Variants in CCNY observed in about 807,000 individuals in gnomAD.
CCNY encodes cyclin-Y.
A neutral mutation model predicts 42.8 loss-of-function variants in CCNY; 19 were observed. The observed-to-expected ratio is 0.44, with a 90% CI of 0.31 to 0.65. CCNY has a LOEUF of 0.65. Ranked by LOEUF, CCNY falls within the 30% of genes least tolerant of loss-of-function variation. The pLI is 0.07. For synonymous variants in CCNY, 165 were observed against 162.7 expected (o/e 1.01, Z -0.11); for missense variants, 370 against 437.3 (o/e 0.85, Z 1.37).
chr10:35,414,857 A>G (rs1179081573), intron 1 of CCNY, among the ~76,000 whole-genome samples: 1 of 152,210 alleles, frequency 6.6e-6, no homozygotes, highest in Admixed American at 6.5e-5. Flanking sequence ...GAAGCGGGGT[A>G]CATCACAAAT....
chr10:35,552,142 G>A (rs1841271433), intron 7 of CCNY, among the ~76,000 whole-genome samples: 1 of 152,160 alleles, frequency 6.6e-6, no homozygotes, highest in African/African-American at 2.4e-5. Context: ...ACAGAAGAAT[G>A]GATAAACATG....
At chr10:35,306,511 C>T (rs1835608027) in intron 3 of CCNY, among the ~76,000 whole-genome samples, 1 of 152,184 alleles carries the variant, frequency 6.6e-6, no homozygotes, top group Non-Finnish European at 1.5e-5. Flanking sequence ...GAACTCTGTC[C>T]CTGCTTGGGG....
At chr10:35,271,161 G>T (rs1835163132) in intron 3 of CCNY, among the ~76,000 whole-genome samples, 1 of 152,164 alleles carries the variant, frequency 6.6e-6, no homozygotes, top group South Asian at 2.1e-4. Flanking sequence ...ATCTCTCAGA[G>T]AAGTGAAGTC....
At chr10:35,482,860 G>A (rs1193778558) in intron 1 of CCNY, among the ~76,000 whole-genome samples, 2 of 150,840 alleles carry the variant, frequency 1.3e-5, no homozygotes, top group Non-Finnish European at 2.9e-5. Context: ...TAAAAAGTAG[G>A]GATCAAACAA....
chr10:35,400,743 C>G (rs1188411180), intron 1 of CCNY, among the ~76,000 whole-genome samples: 2 of 152,088 alleles, frequency 1.3e-5, no homozygotes, highest in Non-Finnish European at 2.9e-5. Context: ...TTCTCCTCCC[C>G]CGGGATTGTA....
At chr10:35,400,279 G>A (rs1456012549) in intron 1 of CCNY, among the ~76,000 whole-genome samples, 1 of 151,684 alleles carries the variant, frequency 6.6e-6, no homozygotes, top group Non-Finnish European at 1.5e-5. Context: ...AGGGGGCGGC[G>A]GGGGTGGTGG....
At chr10:35,520,645 A>G (rs1035851509) in intron 4 of CCNY, among the ~76,000 whole-genome samples, 5 of 152,188 alleles carry the variant, frequency 3.3e-5, no homozygotes, top group African/African-American at 1.2e-4. Flanking sequence ...CGTATTTGCA[A>G]ATTCTAGCTG....
intron 3 of CCNY, among the ~76,000 whole-genome samples, chr10:35,276,463 AC>A (rs1424657715): frequency 1.4e-4 from 21 of 152,094 alleles, no homozygotes; most frequent in Admixed American, 1.3e-4. Flanking sequence ...ATAGCTCACC[AC>A]AGCCTCAACC....
intron 3 of CCNY, among the ~76,000 whole-genome samples, chr10:35,326,938 G>A (rs1170868343): frequency 2.6e-5 from 4 of 151,978 alleles, no homozygotes; most frequent in Non-Finnish European, 5.9e-5. Context: ...TTGTCTCCTC[G>A]TCCTCCTGGT....
At chr10:35,432,932 A>G (rs1233038008) in intron 1 of CCNY, among the ~76,000 whole-genome samples, 2 of 152,238 alleles carry the variant, frequency 1.3e-5, no homozygotes, top group Non-Finnish European at 2.9e-5. Flanking sequence ...AATGTGGTTA[A>G]GAATACTAAA....
intron 3 of CCNY, among the ~76,000 whole-genome samples, chr10:35,301,631 T>C (rs1248649575): frequency 2.0e-5 from 3 of 152,116 alleles, no homozygotes; most frequent in African/African-American, 7.2e-5. Flanking sequence ...TCGCTGTCTT[T>C]TGTTTTGCTT....
intron 3 of CCNY, among the ~76,000 whole-genome samples, chr10:35,253,883 T>A (rs2095713692): frequency 6.6e-6 from 1 of 150,830 alleles, no homozygotes. Flanking sequence ...TGTTTTTTTT[T>A]TTTTTTTTTT....
intron 1 of CCNY, among the ~76,000 whole-genome samples, chr10:35,344,323 C>G (rs1171232541): frequency 6.6e-6 from 1 of 152,150 alleles, no homozygotes; most frequent in Non-Finnish European, 1.5e-5. Flanking sequence ...AGATGAGGTT[C>G]TACTTTTACT....
At chr10:35,406,483 C>T (rs530508318) in intron 1 of CCNY, among the ~76,000 whole-genome samples, 17 of 152,050 alleles carry the variant, frequency 1.1e-4, no homozygotes, top group East Asian at 5.8e-4. Context: ...CATCTTGCAC[C>T]GCCCTTAATC....
chr10:35,557,395 A>C (rs1256086620), intron 8 of CCNY, among the ~76,000 whole-genome samples: 1 of 152,198 alleles, frequency 6.6e-6, no homozygotes, highest in Non-Finnish European at 1.5e-5. Context: ...TTTCTGGATG[A>C]TAATGTTCTA....
At chr10:35,265,611 G>C (rs561720107) in intron 3 of CCNY, among the ~76,000 whole-genome samples, 1 of 152,242 alleles carries the variant, frequency 6.6e-6, no homozygotes, top group Non-Finnish European at 1.5e-5. Flanking sequence ...AGAGGCCCAC[G>C]CCAAGCGCCT....
At chr10:35,292,781 GTTTTTTTTTTTT>G (rs71033391) in intron 3 of CCNY, among the ~76,000 whole-genome samples, 1 of 108,760 alleles carries the variant, frequency 9.2e-6, no homozygotes, top group Non-Finnish European at 1.9e-5. Context: ...CTTTGTTTTT[GTTTTTTTTTTTT>G]TTTTTTTTGG....
intron 3 of CCNY, among the ~76,000 whole-genome samples, chr10:35,312,133 T>C (rs1016626987): frequency 2.4e-4 from 37 of 152,088 alleles, no homozygotes; most frequent in Non-Finnish European, 1.6e-4. Flanking sequence ...ATCCCAGCCC[T>C]TTGGGACGCT....
At chr10:35,309,730 T>C (rs771408116) in intron 3 of CCNY, among the ~76,000 whole-genome samples, 1 of 152,010 alleles carries the variant, frequency 6.6e-6, no homozygotes, top group Non-Finnish European at 1.5e-5. Flanking sequence ...CTCCAAGTCT[T>C]TGTTAAAAAC....
Sources: allele counts gnomAD v4.1 joint callset (sites outside exome capture counted in the v4.1 genomes callset), GRCh38; gene constraint gnomAD v4.1.1; transcripts MANE v1.5; gene names NCBI Gene and HGNC (gene_info 2026-07-23, HGNC 2026-07-21).